Variants in ZNF385D observed in about 807,000 individuals in gnomAD.
ZNF385D encodes the protein zinc finger protein 385D.
In ZNF385D, 15 loss-of-function variants were observed where a neutral mutation model predicts 35.8. That is an observed-to-expected ratio of 0.42 (90% CI 0.28 to 0.64). The LOEUF (loss-of-function observed/expected upper bound fraction) is 0.64, where lower values mean the gene tolerates loss of function less well. Ranked by LOEUF, ZNF385D falls within the 30% of genes least tolerant of loss-of-function variation. The probability of loss-of-function intolerance (pLI) is 0.23; values close to 1 mark genes in which losing one functional copy is unlikely to be tolerated. For synonymous variants in ZNF385D, 212 were observed against 186.8 expected, an observed-to-expected ratio of 1.13 and a Z score of -1.10; for missense variants, 474 against 494.6, an observed-to-expected ratio of 0.96 and a Z score of 0.39.
At chr3:21,828,699 G>C (rs2630816) in intron 3 of ZNF385D, among the ~76,000 whole-genome samples, 59,726 of 152,114 alleles carry the variant, frequency 0.39, 12,648 homozygotes, top group Non-Finnish European at 0.47. Context: ...CAACCTTAGT[G>C]GCTTAAAACA....
At chr3:21,929,757 A>G (rs944742127) in intron 3 of ZNF385D, among the ~76,000 whole-genome samples, 1 of 152,076 alleles carries the variant, frequency 6.6e-6, no homozygotes, top group African/African-American at 2.4e-5. Context: ...AAGAGGGGCA[A>G]TATTTTTGTA....
intron 3 of ZNF385D, among the ~76,000 whole-genome samples, chr3:21,962,473 C>T (rs1024268630): frequency 1.3e-5 from 2 of 152,206 alleles, no homozygotes; most frequent in Non-Finnish European, 2.9e-5. Flanking sequence ...AGGTGTCAAG[C>T]AGGCAGCTTA....
intron 2 of ZNF385D, among the ~76,000 whole-genome samples, chr3:21,595,377 A>ATT (rs1270577388): frequency 9.9e-5 from 15 of 151,380 alleles, no homozygotes; most frequent in Admixed American, 2.6e-4. Flanking sequence ...ATTATATCCC[A>ATT]TTATATATGT....
At chr3:22,293,061 G>A (rs1022578135) in intron 2 of ZNF385D, among the ~76,000 whole-genome samples, 18 of 152,204 alleles carry the variant, frequency 1.2e-4, no homozygotes, top group Admixed American at 9.8e-4. Context: ...TCCAGAGGCT[G>A]TCTCATGTGT....
chr3:22,311,925 A>G (rs1703577422), intron 2 of ZNF385D, among the ~76,000 whole-genome samples: 1 of 152,150 alleles, frequency 6.6e-6, no homozygotes, highest in Non-Finnish European at 1.5e-5. Context: ...AAGAATGTTC[A>G]GTCTTCATTG....
At chr3:22,100,580 A>G (rs1701879435) in intron 3 of ZNF385D, among the ~76,000 whole-genome samples, 1 of 151,592 alleles carries the variant, frequency 6.6e-6, no homozygotes, top group Non-Finnish European at 1.5e-5. Context: ...AAACTATCAC[A>G]AGGACAAAAA....
At chr3:21,980,801 G>T (rs568255718) in intron 3 of ZNF385D, among the ~76,000 whole-genome samples, 10 of 152,236 alleles carry the variant, frequency 6.6e-5, no homozygotes, top group African/African-American at 1.2e-4. Context: ...CCACTTATAA[G>T]TGAGAACATG....
chr3:22,349,993 T>C (rs1341287822), intron 2 of ZNF385D, among the ~76,000 whole-genome samples: 1 of 152,186 alleles, frequency 6.6e-6, no homozygotes, highest in Non-Finnish European at 1.5e-5. Context: ...ACCTTGGCTA[T>C]GTTGTAAGTA....
At chr3:22,108,724 T>C (rs1386700072) in intron 3 of ZNF385D, among the ~76,000 whole-genome samples, 2 of 152,110 alleles carry the variant, frequency 1.3e-5, no homozygotes, top group Non-Finnish European at 2.9e-5. Flanking sequence ...ATAAAAAACA[T>C]GTAGCAGGCT....
At chr3:21,581,668 T>G (rs2063668615) in intron 2 of ZNF385D, among the ~76,000 whole-genome samples, 1 of 152,214 alleles carries the variant, frequency 6.6e-6, no homozygotes. Flanking sequence ...TGTAGAAGAA[T>G]TGCATTGTTA....
At chr3:21,479,367 A>C (rs1704458237) in intron 4 of ZNF385D, among the ~76,000 whole-genome samples, 1 of 152,064 alleles carries the variant, frequency 6.6e-6, no homozygotes, top group Non-Finnish European at 1.5e-5. Flanking sequence ...TGTGTTAATG[A>C]TCTCTTATTT....
At chr3:22,202,572 C>A (rs563803461) in intron 2 of ZNF385D, among the ~76,000 whole-genome samples, 2 of 152,094 alleles carry the variant, frequency 1.3e-5, no homozygotes, top group South Asian at 2.1e-4. Context: ...CCAAAAAGCA[C>A]CTTCATGAGA....
chr3:21,446,983 G>A (rs1238199936), intron 4 of ZNF385D, among the ~76,000 whole-genome samples: 2 of 152,042 alleles, frequency 1.3e-5, no homozygotes, highest in Admixed American at 1.3e-4. Flanking sequence ...ATATTTCTAG[G>A]GGAATTAATT....
At chr3:22,137,344 C>A (rs1704204943) in intron 3 of ZNF385D, among the ~76,000 whole-genome samples, 1 of 151,998 alleles carries the variant, frequency 6.6e-6, no homozygotes, top group South Asian at 2.1e-4. Flanking sequence ...ATCCTGATAC[C>A]AAAACATGGC....
intron 3 of ZNF385D, among the ~76,000 whole-genome samples, chr3:21,973,069 G>C (rs1381247930): frequency 6.6e-6 from 1 of 151,878 alleles, no homozygotes; most frequent in Admixed American, 6.6e-5. Flanking sequence ...CATTCTATGA[G>C]ATCAGGATTA....
intron 3 of ZNF385D, among the ~76,000 whole-genome samples, chr3:22,062,583 T>G (rs1699748010): frequency 6.7e-6 from 1 of 150,060 alleles, no homozygotes; most frequent in Non-Finnish European, 1.5e-5. Context: ...TATTTAACAT[T>G]GTGGTGGTTT....
chr3:22,215,107 T>C (rs528181280), intron 2 of ZNF385D, among the ~76,000 whole-genome samples: 10 of 152,118 alleles, frequency 6.6e-5, no homozygotes, highest in Admixed American at 1.3e-4. Flanking sequence ...AAAAACCTAC[T>C]TGAAATATCG....
At chr3:21,938,752 T>C (rs1320822778) in intron 3 of ZNF385D, among the ~76,000 whole-genome samples, 1 of 152,166 alleles carries the variant, frequency 6.6e-6, no homozygotes, top group South Asian at 2.1e-4. Flanking sequence ...CCCCACCTTC[T>C]ATGTCCATCT....
In ZNF385D at chr3:21,514,015, TA is replaced by T. The variant is rs935841510; in HGVS notation, c.277-2993del. Reference sequence around the variant, plus strand: ...TCCACATTTTCTCTCTCTGTGACTGTAAAAAAAAGCTGCAGCCTAAGAAAGA... The same window carrying T: ...TCCACATTTTCTCTCTCTGTGACTGTAAAAAAAGCTGCAGCCTAAGAAAGA... On this transcript the variant is annotated intron_variant, in intron 3 of 7. Coordinates refer to ENST00000281523, the MANE Select transcript of ZNF385D (RefSeq NM_024697.3). Among the ~76,000 whole-genome samples the T allele has an allele frequency of 1.0e-3, 158 of 151,898 alleles. 1 individual carries two copies. Among genetic ancestry groups the T allele is most frequent in the African/African-American group, 3.7e-3 (152 of 41,454 alleles).
Sources: allele counts gnomAD v4.1 joint callset (sites outside exome capture counted in the v4.1 genomes callset), GRCh38; gene constraint gnomAD v4.1.1; transcripts MANE v1.5; gene names NCBI Gene and HGNC (gene_info 2026-07-23, HGNC 2026-07-21).